CATSPERT: variants seen among roughly 807,000 people sequenced by gnomAD.
CATSPERT encodes the protein cation channel sperm-associated targeting subunit tau.
chr2:201,531,211 G>A, the CATSPERT span, among the ~76,000 whole-genome samples: 51 of 151,836 alleles, frequency 3.4e-4, no homozygotes, highest in Admixed American at 5.9e-4. Flanking sequence ...CACCTGCCTC[G>A]GCCTCCCAGA....
At chr2:201,618,935 T>C in the CATSPERT span, 3 of 1,613,646 alleles carry the variant, frequency 1.9e-6, no homozygotes, top group African/African-American at 4.0e-5. Context: ...TCCTGGTTCT[T>C]GTTCTTAGGC....
the CATSPERT span, among the ~76,000 whole-genome samples, chr2:201,588,890 T>A: frequency 6.6e-6 from 1 of 152,138 alleles, no homozygotes; most frequent in Non-Finnish European, 1.5e-5. Flanking sequence ...CTTCTAAAAC[T>A]GATAAACAAC....
chr2:201,521,366 A>C, the CATSPERT span, among the ~76,000 whole-genome samples: 1 of 152,150 alleles, frequency 6.6e-6, no homozygotes, highest in East Asian at 1.9e-4. Flanking sequence ...GGAAACTTAC[A>C]ATCATGGCAA....
the CATSPERT span, chr2:201,603,337 A>G: frequency 1.4e-6 from 2 of 1,408,804 alleles, no homozygotes; most frequent in Non-Finnish European, 2.0e-6. Context: ...CTGTTCTTTC[A>G]CTTTACACTG....
the CATSPERT span, among the ~76,000 whole-genome samples, chr2:201,520,843 C>T: frequency 1.3e-5 from 2 of 149,206 alleles, no homozygotes; most frequent in African/African-American, 2.5e-5. Context: ...GAGTCAAGAT[C>T]GTGCCACTGC....
At chr2:201,503,784 G>A in the CATSPERT span, among the ~76,000 whole-genome samples, 1 of 151,938 alleles carries the variant, frequency 6.6e-6, no homozygotes, top group Admixed American at 6.6e-5. Context: ...CTTTTAAATC[G>A]TTTTGAATTT....
At chr2:201,587,494 G>T in the CATSPERT span, among the ~76,000 whole-genome samples, 1 of 152,062 alleles carries the variant, frequency 6.6e-6, no homozygotes, top group Admixed American at 6.6e-5. Flanking sequence ...GCATTCTAAA[G>T]CTGGCATTCT....
the CATSPERT span, chr2:201,495,814 T>C: frequency 1.1e-6 from 1 of 942,432 alleles, no homozygotes; most frequent in African/African-American, 1.7e-5. Context: ...TGAGTAGCTT[T>C]TTAGAACTAT....
the CATSPERT span, among the ~76,000 whole-genome samples, chr2:201,575,807 A>C: frequency 1.3e-5 from 2 of 152,200 alleles, no homozygotes; most frequent in Non-Finnish European, 2.9e-5. Flanking sequence ...AATAAAGTGC[A>C]CAATAAATGT....
At chr2:201,547,598 C>A in the CATSPERT span, 2 of 1,497,032 alleles carry the variant, frequency 1.3e-6, no homozygotes, top group Admixed American at 2.1e-5. Context: ...ATTCTTTTTT[C>A]ATCTTTTCCA....
chr2:201,598,246 A>G, the CATSPERT span, among the ~76,000 whole-genome samples: 1 of 152,100 alleles, frequency 6.6e-6, no homozygotes, highest in Non-Finnish European at 1.5e-5. Flanking sequence ...CACTACAGGT[A>G]CATGCCACCA....
the CATSPERT span, among the ~76,000 whole-genome samples, chr2:201,499,937 AC>A: frequency 6.7e-6 from 1 of 149,628 alleles, no homozygotes; most frequent in Admixed American, 6.7e-5. Flanking sequence ...TTTCCCATCA[AC>A]CCCCCTACTA....
At chr2:201,535,326 A>T in the CATSPERT span, 6 of 983,312 alleles carry the variant, frequency 6.1e-6, no homozygotes, top group South Asian at 1.4e-4. Flanking sequence ...ATATCTTTTT[A>T]TACCATTTGA....
chr2:201,511,009 A>G, the CATSPERT span, among the ~76,000 whole-genome samples: 2 of 152,244 alleles, frequency 1.3e-5, no homozygotes, highest in Non-Finnish European at 2.9e-5. Flanking sequence ...ATATGGGCAG[A>G]GATTATAAAC....
chr2:201,563,138 CGGGGGGCTG>C, the CATSPERT span, among the ~76,000 whole-genome samples: 88 of 53,036 alleles, frequency 1.7e-3, 4 homozygotes, highest in East Asian at 0.12. Flanking sequence ...GCTGGCCGGG[CGGGGGGCTG>C]ACCCCCCACC....
chr2:201,590,176 C>T, the CATSPERT span, among the ~76,000 whole-genome samples: 2 of 151,214 alleles, frequency 1.3e-5, no homozygotes, highest in Admixed American at 1.3e-4. Flanking sequence ...TGATGTTCCC[C>T]TTCCTGTGTC....
At chr2:201,603,131 C>T in the CATSPERT span, 1 of 1,120,046 alleles carries the variant, frequency 8.9e-7, no homozygotes, top group Non-Finnish European at 1.3e-6. Context: ...ATGTGTTAAG[C>T]CACTAAGTTT....
the CATSPERT span, among the ~76,000 whole-genome samples, chr2:201,575,064 A>G: frequency 2.0e-5 from 3 of 148,732 alleles, no homozygotes; most frequent in South Asian, 2.2e-4. Flanking sequence ...AAGAAGAAGA[A>G]GAAGAGGAGG....
the CATSPERT span, among the ~76,000 whole-genome samples, chr2:201,511,245 A>G: frequency 6.6e-6 from 1 of 152,192 alleles, no homozygotes. Flanking sequence ...ATACGCTTGT[A>G]CCCTCTGATC....
Sources: allele counts gnomAD v4.1 joint callset (sites outside exome capture counted in the v4.1 genomes callset), GRCh38; gene constraint gnomAD v4.1.1; transcripts MANE v1.5; gene names NCBI Gene and HGNC (gene_info 2026-07-23, HGNC 2026-07-21).